The following RNF150 variants were observed in gnomAD, a reference collection of about 807,000 sequenced individuals.
The protein encoded by RNF150 is ring finger protein 150.
In RNF150, 24 loss-of-function variants were observed where a neutral mutation model predicts 39.3. That is an observed-to-expected ratio of 0.61 (90% CI 0.44 to 0.86). The LOEUF is 0.86. Ranked by LOEUF, RNF150 falls within the 40% of genes least tolerant of loss-of-function variation. The pLI is 0.00. For missense variants in RNF150, 502 were observed against 587.8 expected (o/e 0.85, Z 1.51); for synonymous variants, 255 against 227.3 (o/e 1.12, Z -1.10).
chr4:141,009,716 A>G (rs1735003534), intron 1 of RNF150, among the ~76,000 whole-genome samples: 1 of 152,180 alleles, frequency 6.6e-6, no homozygotes, highest in South Asian at 2.1e-4. Flanking sequence ...AGGGGATGAA[A>G]ATATTAATTC....
intron 2 of RNF150, among the ~76,000 whole-genome samples, chr4:140,966,926 A>T (rs937454464): frequency 1.3e-5 from 2 of 152,202 alleles, no homozygotes; most frequent in Non-Finnish European, 1.5e-5. Context: ...GGTGCTGGTT[A>T]AATAGACGTG....
intron 6 of RNF150, among the ~76,000 whole-genome samples, chr4:140,895,045 A>G (rs541600126): frequency 1.0e-3 from 158 of 152,278 alleles, no homozygotes; most frequent in Non-Finnish European, 1.8e-3. Flanking sequence ...AGGGTCCTTG[A>G]GAACATTACC....
chr4:141,181,232 T>A (rs190437285), intron 1 of RNF150, among the ~76,000 whole-genome samples: 12 of 152,174 alleles, frequency 7.9e-5, no homozygotes, highest in Admixed American at 7.9e-4. Context: ...TCACATTCAC[T>A]TCACTAAGAA....
chr4:141,084,317 G>T (rs1317187763), intron 1 of RNF150, among the ~76,000 whole-genome samples: 7 of 152,034 alleles, frequency 4.6e-5, no homozygotes, highest in African/African-American at 1.7e-4. Context: ...GAAAGATGAC[G>T]AATATATAGG....
At chr4:140,900,821 TA>T in intron 6 of RNF150, among the ~76,000 whole-genome samples, 1 of 49,438 alleles carries the variant, frequency 2.0e-5, no homozygotes, top group African/African-American at 9.2e-5. Flanking sequence ...CTAGGAACTT[TA>T]TATATATATA....
chr4:141,039,866 G>C (rs939713781), intron 1 of RNF150, among the ~76,000 whole-genome samples: 1 of 152,058 alleles, frequency 6.6e-6, no homozygotes, highest in Non-Finnish European at 1.5e-5. Context: ...GCCCAGGGGT[G>C]GAGATTTAAA....
In RNF150 at chr4:141,000,041, GAA is replaced by G. The variant is rs1449239118; in HGVS notation, c.485-32170_485-32169del. On this transcript the variant is annotated intron_variant, in intron 1 of 6. Coordinates refer to ENST00000515673, the MANE Select transcript of RNF150 (RefSeq NM_020724.2). The stretch of plus-strand genomic sequence containing the variant: ...AGAAGAAGAAGAAGAAGAAGAAGAA[GAA>G]GAAGAAGAAGAAGAAGAAGAAGAAG... Among the ~76,000 whole-genome samples the G allele has an allele frequency of 3.5e-4, 22 of 63,340 alleles. 2 individuals are homozygous for G. The highest frequency in any genetic ancestry group is 7.2e-4 in the African/African-American group (16 of 22,094). 41.6% of individuals were successfully genotyped at this position (63,340 alleles called of 152,430 possible).
At chr4:141,120,449 G>A (rs771535955) in intron 1 of RNF150, among the ~76,000 whole-genome samples, 1 of 152,054 alleles carries the variant, frequency 6.6e-6, no homozygotes, top group Admixed American at 6.6e-5. Context: ...ATTCTAAAAC[G>A]CTGCCAAATT....
chr4:141,061,106 C>G (rs184064488), intron 1 of RNF150, among the ~76,000 whole-genome samples: 28 of 151,760 alleles, frequency 1.8e-4, no homozygotes, highest in African/African-American at 6.8e-4. Flanking sequence ...ACTGCACGTT[C>G]TGCACATCTA....
At chr4:141,143,879 C>G (rs578042564) in intron 1 of RNF150, among the ~76,000 whole-genome samples, 3 of 152,164 alleles carry the variant, frequency 2.0e-5, no homozygotes, top group Non-Finnish European at 4.4e-5. Flanking sequence ...CAAAGAGGTA[C>G]TTTTCCTGAC....
At position 140,911,195 on chromosome 4, in the gene RNF150, G is replaced by C. The variant is rs143124236; in HGVS notation, c.1147C>G (p.Gln383Glu). The C allele has an allele frequency of 8.1e-6, 13 of 1,614,022 alleles. No homozygotes were observed. In the African/African-American group the frequency reaches 1.2e-4, roughly 15 times the overall value. Residue 383 changes from glutamine to glutamate, a missense_variant, in exon 6 of 7, where the codon CAG (glutamine) becomes GAG (glutamate). Physicochemically the swap from Gln to Glu is conservative, Grantham distance 29. Coordinates refer to ENST00000515673, the MANE Select transcript of RNF150 (RefSeq NM_020724.2). Reference protein sequence around the residue: ...VRTVGALQVVQDTDPIPQEGD... With the variant: ...VRTVGALQVVEDTDPIPQEGD... The stretch of plus-strand genomic sequence containing the variant: ...TCCTGGGGGATGGGGTCTGTATCCT[G>C]GACCACCTGCAAGGCTCCCACAGTC...
At chr4:141,129,065 C>T (rs1726828236) in intron 1 of RNF150, among the ~76,000 whole-genome samples, 1 of 152,128 alleles carries the variant, frequency 6.6e-6, no homozygotes, top group Non-Finnish European at 1.5e-5. Flanking sequence ...TCTAGAAGGT[C>T]CTCAAAAGAT....
chr4:141,026,209 C>T (rs1735690530), intron 1 of RNF150, among the ~76,000 whole-genome samples: 1 of 152,042 alleles, frequency 6.6e-6, no homozygotes, highest in Admixed American at 6.6e-5. Context: ...CCAAGGGTAA[C>T]ATTACATGTC....
At chr4:141,080,383 G>T (rs1220767947) in intron 1 of RNF150, among the ~76,000 whole-genome samples, 3 of 152,132 alleles carry the variant, frequency 2.0e-5, no homozygotes, top group Non-Finnish European at 4.4e-5. Flanking sequence ...GCAATCACCT[G>T]TCTGCATTCT....
chr4:141,203,695 T>C (rs1430674721), intron 1 of RNF150, among the ~76,000 whole-genome samples: 1 of 151,916 alleles, frequency 6.6e-6, no homozygotes, highest in East Asian at 1.9e-4. Flanking sequence ...TTCATCTTCA[T>C]TTTTGCCAAC....
intron 1 of RNF150, among the ~76,000 whole-genome samples, chr4:141,052,159 C>T (rs1736801009): frequency 6.6e-6 from 1 of 152,084 alleles, no homozygotes; most frequent in African/African-American, 2.4e-5. Flanking sequence ...CCCACCACTT[C>T]CTCCCATGAC....
chr4:141,078,916 CAT>C (rs1159818125), intron 1 of RNF150, among the ~76,000 whole-genome samples: 5 of 143,610 alleles, frequency 3.5e-5, no homozygotes, highest in African/African-American at 8.4e-5. Context: ...CATATATACA[CAT>C]ATATATACAT....
intron 1 of RNF150, among the ~76,000 whole-genome samples, chr4:141,006,978 T>G (rs2110733802): frequency 6.6e-6 from 1 of 152,342 alleles, no homozygotes; most frequent in East Asian, 1.9e-4. Context: ...CTGGAAAAGT[T>G]AATCCCTAAT....
At chr4:141,160,697 G>C (rs1051977784) in intron 1 of RNF150, among the ~76,000 whole-genome samples, 2 of 152,130 alleles carry the variant, frequency 1.3e-5, no homozygotes, top group Admixed American at 1.3e-4. Context: ...GTTCTCACAA[G>C]AGCTGGTTGT....
Sources: allele counts gnomAD v4.1 joint callset (sites outside exome capture counted in the v4.1 genomes callset), GRCh38; gene constraint gnomAD v4.1.1; transcripts MANE v1.5; gene names NCBI Gene and HGNC (gene_info 2026-07-23, HGNC 2026-07-21).